The following FAM149A variants were observed in gnomAD, a reference collection of about 807,000 sequenced individuals.
The protein encoded by FAM149A is family with sequence similarity 149 member A, also known as protein FAM149A.
FAM149A carries 71 observed loss-of-function variants against 78.2 expected under a neutral mutation model. The ratio of observed to expected loss-of-function variants is 0.91; its 90% CI spans 0.75 to 1.11. The LOEUF is 1.11. Among genes scored for constraint, FAM149A ranks in the 50% least tolerant of loss-of-function variants. FAM149A has a pLI of 0.00. For missense variants in FAM149A, 1,036 were observed against 971.0 expected (o/e 1.07, Z -0.89); for synonymous variants, 446 against 410.5 (o/e 1.09, Z -1.04).
chr4:186,170,757 T>A (rs1735459657), intron 13 of FAM149A: 1 of 152,300 alleles, frequency 6.6e-6, no homozygotes, highest in South Asian at 2.1e-4. Flanking sequence ...ACACCGGATC[T>A]CCCAGCACTG....
intron 8 of FAM149A, among the ~76,000 whole-genome samples, chr4:186,159,028 T>TA (rs893388888): frequency 6.6e-6 from 1 of 152,110 alleles, no homozygotes; most frequent in Non-Finnish European, 1.5e-5. Flanking sequence ...TTTGGGAGAT[T>TA]AAAAAAATGC....
At position 186,166,593 on chromosome 4, in the gene FAM149A, G is replaced by A. The variant is rs534240295; in HGVS notation, c.2011-375G>A. The stretch of plus-strand genomic sequence containing the variant: ...TTGAACCCTGGAGGCCAAGGTTGCA[G>A]TGAGCCGCGATCACGCCATTGCACT... On this transcript the variant is annotated intron_variant, in intron 11 of 13. Coordinates refer to ENST00000389354, the MANE Select transcript of FAM149A (RefSeq NM_001367768.3). Among the ~76,000 whole-genome samples the A allele has an allele frequency of 1.4e-4, 21 of 146,968 alleles. 1 individual carries two copies. In the South Asian group the frequency reaches 3.3e-3, roughly 23 times the overall value.
intron 1 of FAM149A, among the ~76,000 whole-genome samples, chr4:186,131,093 A>G (rs2099320578): frequency 6.6e-6 from 1 of 152,186 alleles, no homozygotes; most frequent in Non-Finnish European, 1.5e-5. Context: ...CACGCCTGTA[A>G]TCCCAGCACT....
intron 1 of FAM149A, among the ~76,000 whole-genome samples, chr4:186,143,425 A>G (rs1242732628): frequency 6.6e-6 from 1 of 152,118 alleles, no homozygotes; most frequent in Non-Finnish European, 1.5e-5. Context: ...CATCACACAT[A>G]TACACATATA....
chr4:186,171,700 C>T (rs1044426785), intron 13 of FAM149A, among the ~76,000 whole-genome samples: 2 of 152,194 alleles, frequency 1.3e-5, no homozygotes, highest in South Asian at 2.1e-4. Context: ...GACGCGTGGC[C>T]TGCACCTCCG....
chr4:186,152,539 C>CTTTTTTTTTTTTTTTTTT (rs10718602), intron 4 of FAM149A, among the ~76,000 whole-genome samples: 4 of 88,284 alleles, frequency 4.5e-5, no homozygotes, highest in East Asian at 3.6e-4. Context: ...TTTCTTTTTG[C>CTTTTTTTTTTTTTTTTTT]TTTTTTTTTT....
rs994042688 is a variant in FAM149A, at chr4:186,104,769, G to T, written c.-308G>T. Among the ~76,000 whole-genome samples the T allele has an allele frequency of 2.0e-5, 3 of 147,636 alleles. No homozygotes were observed. The highest frequency in any genetic ancestry group is 1.3e-4 in the Admixed American group (2 of 14,964). ...GGGCGGCGGGCGGCGGGCGGCGGGCGTCTGGGGCGGGCGGCGGCCGCGCTT... is the reference window on the plus strand; with the variant it reads ...GGGCGGCGGGCGGCGGGCGGCGGGCTTCTGGGGCGGGCGGCGGCCGCGCTT... On this transcript the variant is annotated 5_prime_UTR_variant, in exon 1 of 14. Coordinates refer to ENST00000389354, the MANE Select transcript of FAM149A (RefSeq NM_001367768.3).
chr4:186,110,571 A>G (rs2099310824), intron 1 of FAM149A, among the ~76,000 whole-genome samples: 1 of 116,980 alleles, frequency 8.5e-6, no homozygotes, highest in South Asian at 3.6e-4. Flanking sequence ...CAGTCCCCAG[A>G]GTGTGATATT....
intron 1 of FAM149A, among the ~76,000 whole-genome samples, chr4:186,124,406 TC>T (rs1344403375): frequency 6.7e-6 from 1 of 150,052 alleles, no homozygotes; most frequent in East Asian, 2.0e-4. Flanking sequence ...ATGCTATCCC[TC>T]CCCGCTCCCC....
chr4:186,125,804 C>T lies in FAM149A; in HGVS notation c.566+20162C>T, dbSNP rs191160110. On this transcript the variant is annotated intron_variant, in intron 1 of 13. Coordinates refer to ENST00000389354, the MANE Select transcript of FAM149A (RefSeq NM_001367768.3). ...CAAGCTGGGGCCATGAATACCCAAC[C>T]GTTTGGAAGGGAGGCCAAAAAGAAA... is the stretch of plus-strand genomic sequence containing the variant. 4.2e-5 allele frequency: 41 copies of T among 985,296 alleles called. 1 individual carries two copies. In the Admixed American group the frequency reaches 1.7e-3, roughly 40 times the overall value. The allele number at this position is 985,296 out of a possible 1,614,324, so 61.0% of individuals were successfully genotyped here. A position where few individuals can be genotyped will look rare whatever the true frequency, so the allele number is the denominator to read the frequency against.
Position 186,144,736 on chromosome 4 carries a change from GGGGCC to G in FAM149A, c.567-4433_567-4429del, listed in dbSNP as rs1732849841. On this transcript the variant is annotated intron_variant, in intron 1 of 13. Coordinates refer to ENST00000389354, the MANE Select transcript of FAM149A (RefSeq NM_001367768.3). The surrounding 1 kb of genome is among the most constrained non-coding windows in gnomAD (Gnocchi z 4.2). ...CGGAGGTCGGCGCGGGGCCGGGGCCGGGGCCGGGGCCCGGAGCGGGGATGGGCGGG... is the reference window on the plus strand; with the variant it reads ...CGGAGGTCGGCGCGGGGCCGGGGCCGGGGGCCCGGAGCGGGGATGGGCGGG... 1 of 863,596 alleles carries G rather than the reference GGGGCC, an allele frequency of 1.2e-6. No individual in the cohort carries two copies. Among genetic ancestry groups the G allele is most frequent in the East Asian group, 1.2e-4 (1 of 8,228 alleles). The allele number at this position is 863,596 out of a possible 1,614,324, so 53.5% of individuals were successfully genotyped here.
chr4:186,158,665 G>A, intron 8 of FAM149A: 1 of 1,085,194 alleles, frequency 9.2e-7, no homozygotes, highest in South Asian at 2.6e-5. Flanking sequence ...TGGAGACCCA[G>A]CCCCTGCACG....
chr4:186,162,981 C>A lies in FAM149A; in HGVS notation c.1679+33C>A, dbSNP rs750730149. ...TCAGAATCAGTAGTAGTTACCCAGC[C>A]TCTTCCCTGTGCTGCAAACACTGGA... On this transcript the variant is annotated intron_variant, in intron 9 of 13. Coordinates refer to ENST00000389354, the MANE Select transcript of FAM149A (RefSeq NM_001367768.3). The A allele has an allele frequency of 3.3e-6, 4 of 1,224,992 alleles. No individual in the cohort carries two copies. In the African/African-American group the frequency reaches 4.5e-5, roughly 14 times the overall value. 75.9% of individuals were successfully genotyped at this position (1,224,992 alleles called of 1,614,324 possible).
chr4:186,169,843 G>A, intron 13 of FAM149A: 1 of 985,376 alleles, frequency 1.0e-6, no homozygotes, highest in Non-Finnish European at 1.2e-6. Context: ...GCGCCTCACT[G>A]CCTCTTAACT....
chr4:186,131,382 C>A (rs1579822890), intron 1 of FAM149A, among the ~76,000 whole-genome samples: 1 of 151,690 alleles, frequency 6.6e-6, no homozygotes, highest in East Asian at 1.9e-4. Flanking sequence ...TCTCACTCTC[C>A]CACTCTCCAT....
chr4:186,167,168 A>C lies in FAM149A; in HGVS notation c.2140-16A>C. 1 of 1,607,160 alleles carries C rather than the reference A, an allele frequency of 6.2e-7. No individual in the cohort carries two copies. On this transcript the variant is annotated splice_polypyrimidine_tract_variant and intron_variant, in intron 12 of 13. Coordinates refer to ENST00000389354, the MANE Select transcript of FAM149A (RefSeq NM_001367768.3). ...AAAAATGAAACTTGTCCCTGATTTT[A>C]TTTTTCTTCCAGCAGTCGGATACGC...
chr4:186,160,923 C>T, intron 8 of FAM149A: 1 of 967,430 alleles, frequency 1.0e-6, no homozygotes, highest in Non-Finnish European at 1.2e-6. Flanking sequence ...CCCTGTTTCT[C>T]AAAACCTCAA....
At chr4:186,149,016 GTGTGT>G in intron 1 of FAM149A, 152 bp from the exon 2 acceptor site, 1 of 159,466 alleles carries the variant, frequency 6.3e-6, no homozygotes, top group Admixed American at 6.6e-5. Context: ...GTGTGTGTGT[GTGTGT>G]GTGTGTGTGT....
Position 186,163,002 on chromosome 4 carries a change from C to A in FAM149A, c.1679+54C>A, listed in dbSNP as rs918867886. 5 of 1,016,196 alleles carry A rather than the reference C, an allele frequency of 4.9e-6. No individual in the cohort carries two copies. In the Admixed American group the frequency reaches 9.1e-5, roughly 19 times the overall value. 62.9% of individuals were successfully genotyped at this position (1,016,196 alleles called of 1,614,324 possible). ...CAGCCTCTTCCCTGTGCTGCAAACA[C>A]TGGAGCACTGAAGACTGCAGGGGAC... On this transcript the variant is annotated intron_variant, in intron 9 of 13. Transcript: ENST00000389354.
Sources: allele counts gnomAD v4.1 joint callset (sites outside exome capture counted in the v4.1 genomes callset), GRCh38; gene constraint gnomAD v4.1.1; non-coding constraint Gnocchi (gnomAD v3.1); transcripts MANE v1.5; gene names NCBI Gene and HGNC (gene_info 2026-07-23, HGNC 2026-07-21).